SPECC1: variants seen among roughly 807,000 people sequenced by gnomAD.
SPECC1 encodes the protein sperm antigen with calponin homology and coiled-coil domains 1.
SPECC1 carries 62 observed loss-of-function variants against 104.1 expected under a neutral mutation model. The observed-to-expected ratio is 0.60, with a 90% CI of 0.49 to 0.74. The LOEUF (loss-of-function observed/expected upper bound fraction) is 0.74, where lower values mean the gene tolerates loss of function less well. Among genes scored for constraint, SPECC1 ranks in the 30% least tolerant of loss-of-function variants. The pLI is 0.00. For missense variants in SPECC1, 1,306 were observed against 1,310.5 expected (o/e 1.00, Z 0.05); for synonymous variants, 513 against 501.6 (o/e 1.02, Z -0.30).
chr17:20,028,495 A>G (rs772641027), intron 1 of SPECC1, among the ~76,000 whole-genome samples: 1 of 152,086 alleles, frequency 6.6e-6, no homozygotes. Context: ...AAAAAGAAAA[A>G]AATAGAAAAG....
Position 20,227,490 on chromosome 17 carries a change from G to C in SPECC1, c.1941G>C (p.Leu647=), listed in dbSNP as rs770923815. Residue 647 remains leucine (L), a synonymous_variant, in exon 5 of 15, where the codon CTG becomes CTC. Transcript: ENST00000395527. ...AGCTGAGCAGAACCAGCCTAAAGCT[G>C]CAAGAAAAAGCATCAGAGAGTGATG... ...AEQLSRTSLK[L]QEKASESDAE... 6.2e-7 allele frequency: 1 copy of C among 1,613,456 alleles called. No individual in the cohort carries two copies. The highest frequency in any genetic ancestry group is 2.2e-5 in the East Asian group (1 of 44,876).
intron 3 of SPECC1, among the ~76,000 whole-genome samples, chr17:20,136,618 G>A (rs940502436): frequency 6.6e-6 from 1 of 152,080 alleles, no homozygotes; most frequent in African/African-American, 2.4e-5. Context: ...TGGGGAATGT[G>A]GTATCTTTCT....
chr17:20,143,654 G>GT (rs2031112166), intron 3 of SPECC1, among the ~76,000 whole-genome samples: 1 of 151,858 alleles, frequency 6.6e-6, no homozygotes, highest in Admixed American at 6.6e-5. Context: ...TGCAACAGAG[G>GT]TAAGACTCTG....
chr17:20,172,715 A>G (rs2034180932), intron 3 of SPECC1, among the ~76,000 whole-genome samples: 1 of 152,180 alleles, frequency 6.6e-6, no homozygotes, highest in Admixed American at 6.5e-5. Context: ...GTGTGCTGTA[A>G]GCTCTGTGCC....
intron 1 of SPECC1, among the ~76,000 whole-genome samples, chr17:20,050,595 G>A (rs2045703927): frequency 6.6e-6 from 1 of 152,164 alleles, no homozygotes; most frequent in Admixed American, 6.5e-5. Context: ...TTCATTGTTA[G>A]GGCATGTGTT....
intron 3 of SPECC1, among the ~76,000 whole-genome samples, chr17:20,186,406 A>C (rs2035280450): frequency 6.6e-6 from 1 of 152,208 alleles, no homozygotes. Context: ...GAGAAATGAC[A>C]CTGATAGACT....
chr17:20,306,233 T>C (rs968677671), intron 14 of SPECC1, 151 bp downstream of exon 14: 1 of 607,802 alleles, frequency 1.6e-6, no homozygotes, highest in African/African-American at 1.8e-5. Flanking sequence ...CCAGTTGATA[T>C]AATCACATAT....
intron 4 of SPECC1, among the ~76,000 whole-genome samples, chr17:20,212,914 G>A (rs1338058627): frequency 6.6e-6 from 1 of 152,206 alleles, no homozygotes; most frequent in South Asian, 2.1e-4. Flanking sequence ...ATTTGTATGT[G>A]CTAAGCAGTC....
In SPECC1 at chr17:20,051,060, TTCTTTCTTTTTC is replaced by T. The variant is rs1326820653; in HGVS notation, c.-22+41638_-22+41649del. 1.5e-4 allele frequency among the ~76,000 whole-genome samples: 19 copies of T among 128,568 alleles called. No homozygotes were observed. In the Admixed American group the frequency reaches 1.6e-3, roughly 11 times the overall value. 84.3% of individuals were successfully genotyped at this position (128,568 alleles called of 152,430 possible). ...AATAAGCACTTGGTTCTTTCTTTCT[TTCTTTCTTTTTC>T]TTTCTTTCTTTCTTTCTTTCTTTCT... On this transcript the variant is annotated intron_variant, in intron 1 of 14. Transcript: ENST00000395527.
At chr17:20,217,410 T>G (rs945091463) in intron 4 of SPECC1, among the ~76,000 whole-genome samples, 1 of 152,070 alleles carries the variant, frequency 6.6e-6, no homozygotes, top group African/African-American at 2.4e-5. Flanking sequence ...CCCTCCCCCA[T>G]GCCGAGTTAC....
At chr17:20,120,412 A>G (rs2048971699) in intron 3 of SPECC1, among the ~76,000 whole-genome samples, 1 of 152,154 alleles carries the variant, frequency 6.6e-6, no homozygotes. Context: ...TGATACAAAG[A>G]TGGAAATTAT....
intron 2 of SPECC1, among the ~76,000 whole-genome samples, chr17:20,101,181 A>G (rs1484972443): frequency 6.6e-6 from 1 of 152,226 alleles, no homozygotes; most frequent in East Asian, 1.9e-4. Flanking sequence ...GTATATACCC[A>G]ATAATGAGAT....
intron 3 of SPECC1, among the ~76,000 whole-genome samples, chr17:20,132,584 T>C (rs1190795929): frequency 6.6e-6 from 1 of 151,518 alleles, no homozygotes; most frequent in Non-Finnish European, 1.5e-5. Context: ...AGGGTGAGTT[T>C]AAAAAAATTT....
At chr17:20,201,610 TTTAG>T (rs530837338) in intron 3 of SPECC1, among the ~76,000 whole-genome samples, 61 of 152,264 alleles carry the variant, frequency 4.0e-4, no homozygotes, top group Non-Finnish European at 7.9e-4. Context: ...ATGGTGAAAC[TTTAG>T]TTATCTTCCA....
At chr17:20,020,075 C>T (rs1424756468) in intron 1 of SPECC1, among the ~76,000 whole-genome samples, 1 of 152,152 alleles carries the variant, frequency 6.6e-6, no homozygotes, top group Non-Finnish European at 1.5e-5. Flanking sequence ...GCAGCCTTTT[C>T]TTCATTCTAG....
At chr17:20,152,739 TCGGCTCA>T (rs2032125603) in intron 3 of SPECC1, among the ~76,000 whole-genome samples, 1 of 152,184 alleles carries the variant, frequency 6.6e-6, no homozygotes, top group Non-Finnish European at 1.5e-5. Flanking sequence ...TGGTGCGATC[TCGGCTCA>T]CTGCAACCTC....
chr17:20,023,294 C>T (rs2044467051), intron 1 of SPECC1, among the ~76,000 whole-genome samples: 1 of 152,190 alleles, frequency 6.6e-6, no homozygotes, highest in Admixed American at 6.5e-5. Context: ...AGTCTTAAGA[C>T]TTAATTTTGT....
chr17:20,277,568 G>A (rs1235395586), intron 12 of SPECC1, among the ~76,000 whole-genome samples: 1 of 151,692 alleles, frequency 6.6e-6, no homozygotes. Flanking sequence ...CTTTTTTATT[G>A]TAAAATACAC....
intron 3 of SPECC1, among the ~76,000 whole-genome samples, chr17:20,203,279 TAAAAA>T (rs34012069): frequency 1.4e-5 from 2 of 138,480 alleles, no homozygotes; most frequent in Admixed American, 7.3e-5. Flanking sequence ...TTTCAGTTTG[TAAAAA>T]AAAAAAAAAA....
Sources: gnomAD v4.1 joint callset for allele counts (sites outside exome capture counted in the v4.1 genomes callset) on GRCh38, gnomAD v4.1.1 for gene constraint, MANE v1.5 for transcripts, NCBI Gene and HGNC (gene_info 2026-07-23, HGNC 2026-07-21) for gene names.